Variants in CD163 observed in about 807,000 individuals in gnomAD.
CD163 encodes CD163 molecule.
A neutral mutation model predicts 129.2 loss-of-function variants in CD163; 64 were observed. The observed-to-expected ratio is 0.50, with a 90% CI of 0.41 to 0.61. CD163 has a LOEUF of 0.61. Among genes scored for constraint, CD163 ranks in the 20% least tolerant of loss-of-function variants. The pLI, the probability that CD163 is intolerant of heterozygous loss-of-function variation, is 0.00. For synonymous variants in CD163, 446 were observed against 478.5 expected (o/e 0.93, Z 0.89); for missense variants, 1,061 against 1,377.9 (o/e 0.77, Z 3.64).
chr12:7,492,633 T>C (rs1949341804), intron 6 of CD163, among the ~76,000 whole-genome samples: 1 of 152,080 alleles, frequency 6.6e-6, no homozygotes. Flanking sequence ...CTTGCCACTT[T>C]TAGCATTTAC....
intron 6 of CD163, among the ~76,000 whole-genome samples, chr12:7,491,509 C>G (rs964539155): frequency 1.2e-4 from 18 of 152,030 alleles, no homozygotes; most frequent in Admixed American, 5.9e-4. Context: ...CATTGATCAA[C>G]AACTACAGTT....
chr12:7,499,073 A>G lies in CD163; in HGVS notation c.573T>C (p.Asp191=). 1 of 1,614,166 alleles carries G rather than the reference A, an allele frequency of 6.2e-7. No homozygotes were observed. Among genetic ancestry groups the G allele is most frequent in the Non-Finnish European group, 8.5e-7 (1 of 1,180,002 alleles). ...GTVCDDNFNI[D]HASVICRQLE... ...GTTGTCTACAAATGACAGATGCATGATCTATGTTGAAGTTATCATCACACA... is the reference window on the plus strand; with the variant it reads ...GTTGTCTACAAATGACAGATGCATGGTCTATGTTGAAGTTATCATCACACA... The change falls in exon 4 of 17, where the codon GAT becomes GAC. Residue 191 remains aspartate, a synonymous_variant. Coordinates refer to ENST00000432237, the MANE Select transcript of CD163 (RefSeq NM_203416.4).
At chr12:7,471,682 A>G (rs1343590752) in intron 16 of CD163, among the ~76,000 whole-genome samples, 4 of 152,094 alleles carry the variant, frequency 2.6e-5, no homozygotes, top group African/African-American at 9.7e-5. Context: ...AAGTCTCTGC[A>G]TTTCCAACTG....
chr12:7,496,083 C>A lies in CD163; in HGVS notation c.1100-682G>T, dbSNP rs963421642. ...AAGACTTGGAACCAACCCAAATGCC[C>A]ATCAATAATAGACTGGATAAAGAAA... On this transcript the variant is annotated intron_variant, in intron 5 of 16. Transcript: ENST00000432237. This position sits in a 1 kb window ranked among gnomAD's most constrained non-coding sequence, Gnocchi z 4.8. 2.6e-5 allele frequency among the ~76,000 whole-genome samples: 4 copies of A among 152,158 alleles called. No individual in the cohort carries two copies. The highest frequency in any genetic ancestry group is 9.7e-5 in the African/African-American group (4 of 41,428).
chr12:7,476,842 G>A (rs927625011), intron 16 of CD163, among the ~76,000 whole-genome samples: 1 of 152,180 alleles, frequency 6.6e-6, no homozygotes, highest in Non-Finnish European at 1.5e-5. Context: ...CTAGGCATCT[G>A]ACAAAGAGCT....
At position 7,486,829 on chromosome 12, in the gene CD163, A is replaced by C; in HGVS notation, c.2144-16T>G. 6.2e-7 allele frequency: 1 copy of C among 1,606,792 alleles called. No individual in the cohort carries two copies. The highest frequency in any genetic ancestry group is 8.5e-7 in the Non-Finnish European group (1 of 1,175,160). On this transcript the variant is annotated splice_polypyrimidine_tract_variant and intron_variant, in intron 9 of 16. Coordinates refer to ENST00000432237, the MANE Select transcript of CD163 (RefSeq NM_203416.4). ...TGACCACTCTCTGCAAAGAGAAATG[A>C]AACTATTAATAATGAGCATTCCACT...
chr12:7,480,650 A>T (rs1269413671), intron 15 of CD163: 1 of 156,810 alleles, frequency 6.4e-6, no homozygotes, highest in Non-Finnish European at 1.4e-5. Flanking sequence ...TGCTGTATGT[A>T]GGATTCATGC....
intron 10 of CD163, 57 bp downstream of exon 10, chr12:7,486,442 C>T (rs899754122): frequency 4.0e-6 from 6 of 1,488,804 alleles, no homozygotes; most frequent in Non-Finnish European, 4.6e-6. Context: ...CCCCTCACTA[C>T]CCTTCCTCAG....
chr12:7,483,206 C>T, intron 12 of CD163, 161 bp downstream of exon 12: 1 of 796,112 alleles, frequency 1.3e-6, no homozygotes, highest in Non-Finnish European at 2.0e-6. Context: ...CGTTGTATAA[C>T]AATTGTTTTC....
At chr12:7,498,146 C>CACACACACAGAG (rs537347284) in intron 4 of CD163, among the ~76,000 whole-genome samples, 2 of 148,950 alleles carry the variant, frequency 1.3e-5, no homozygotes, top group African/African-American at 4.9e-5. Flanking sequence ...CACACACACA[C>CACACACACAGAG]AGAGAGAGAG....
At chr12:7,497,239 A>G in intron 4 of CD163, 106 bp from the exon 5 acceptor site, 1 of 905,718 alleles carries the variant, frequency 1.1e-6, no homozygotes, top group South Asian at 1.5e-5. Flanking sequence ...ATATAAGTGG[A>G]GACAGAGAAA....
intron 3 of CD163, 63 bp from the exon 4 acceptor site, chr12:7,499,251 A>T: frequency 7.0e-7 from 1 of 1,430,938 alleles, no homozygotes; most frequent in Non-Finnish European, 9.4e-7. Flanking sequence ...TTTAGAAAAG[A>T]AGTTTCCTCT....
chr12:7,483,285 G>T, intron 12 of CD163, 82 bp downstream of exon 12: 2 of 1,316,562 alleles, frequency 1.5e-6, no homozygotes, highest in East Asian at 2.3e-5. Context: ...TGATAAATCC[G>T]GTTTTTACAC....
At chr12:7,498,282 G>A (rs192150205) in intron 4 of CD163, among the ~76,000 whole-genome samples, 1 of 152,232 alleles carries the variant, frequency 6.6e-6, no homozygotes, top group African/African-American at 2.4e-5. Flanking sequence ...AAAACGAAGA[G>A]TGGTATCTCT....
In CD163 at chr12:7,486,791, T is replaced by A. The variant is rs769601051; in HGVS notation, c.2166A>T (p.Val722=). The A allele has an allele frequency of 3.7e-6, 6 of 1,610,342 alleles. No homozygotes were observed. In the South Asian group the frequency reaches 6.6e-5, roughly 18 times the overall value. ...ACIESGQLRL[V]NGGGRCAGRV... is the part of the protein sequence containing the mutation. ...TCCCAGCACAGCGACCTCCTCCATT[T>A]ACCAGGCGAAGTTGACCACTCTCTG... Residue 722 remains valine (V), a synonymous_variant, in exon 10 of 17, where the codon GTA becomes GTT. Transcript: ENST00000432237.
At chr12:7,498,144 CACAG>C (rs1036704208) in intron 4 of CD163, among the ~76,000 whole-genome samples, 13 of 150,894 alleles carry the variant, frequency 8.6e-5, no homozygotes, top group African/African-American at 2.7e-4. Flanking sequence ...CACACACACA[CACAG>C]AGAGAGAGAG....
intron 6 of CD163, among the ~76,000 whole-genome samples, chr12:7,492,486 G>A (rs1949339803): frequency 6.6e-6 from 1 of 152,020 alleles, no homozygotes; most frequent in Admixed American, 6.6e-5. Context: ...TCTTACACAT[G>A]GTAAAATATT....
rs771489365 is a variant in CD163, at chr12:7,498,915, C to T, written c.731G>A (p.Gly244Glu). The change falls in exon 4 of 17, where the codon GGA becomes GAA. Residue 244 changes from glycine (G) to glutamate (E), a missense_variant. Gly to Glu is a moderately conservative substitution (Grantham distance 98). Transcript: ENST00000432237. ...CTCAGCATGATCACAGTTATGCTTT[C>T]CCCATCCTTGATGTTTGCAGTTCCA... is the stretch of plus-strand genomic sequence containing the variant. ...ALWNCKHQGW[G>E]KHNCDHAEDA... is the part of the protein sequence containing the mutation. 13 of 1,613,974 alleles carry T rather than the reference C, an allele frequency of 8.1e-6. No homozygotes were observed. Among genetic ancestry groups the T allele is most frequent in the Non-Finnish European group, 1.1e-5 (13 of 1,179,984 alleles).
intron 6 of CD163, among the ~76,000 whole-genome samples, chr12:7,491,642 GATAA>G (rs1949328618): frequency 2.6e-5 from 4 of 152,056 alleles, no homozygotes; most frequent in East Asian, 1.9e-4. Context: ...TTTGTTTAGT[GATAA>G]ATAAAATATA....
Sources: allele counts gnomAD v4.1 joint callset (sites outside exome capture counted in the v4.1 genomes callset), GRCh38; gene constraint gnomAD v4.1.1; non-coding constraint Gnocchi (gnomAD v3.1); transcripts MANE v1.5; gene names NCBI Gene and HGNC (gene_info 2026-07-23, HGNC 2026-07-21).